The following NT5E variants were observed in gnomAD, a reference collection of about 807,000 sequenced individuals.
NT5E encodes the protein 5'-nucleotidase.
NT5E carries 53 observed loss-of-function variants against 55.1 expected under a neutral mutation model. That is an observed-to-expected ratio of 0.96 (90% CI 0.77 to 1.21). NT5E has a LOEUF of 1.21. Among genes scored for constraint, NT5E ranks in the 50% most tolerant of loss-of-function variants. The probability of loss-of-function intolerance (pLI) is 0.00; values close to 1 mark genes in which losing one functional copy is unlikely to be tolerated. For synonymous variants in NT5E, 270 were observed against 278.4 expected, an observed-to-expected ratio of 0.97 and a Z score of 0.30; for missense variants, 683 against 724.3, an observed-to-expected ratio of 0.94 and a Z score of 0.65.
At chr6:85,465,747 G>A (rs562866929) in intron 1 of NT5E, among the ~76,000 whole-genome samples, 60 of 152,348 alleles carry the variant, frequency 3.9e-4, no homozygotes, top group Admixed American at 1.2e-3. Context: ...CACTGAGCAG[G>A]AGAGGTGGCA....
intron 3 of NT5E, among the ~76,000 whole-genome samples, chr6:85,472,318 A>C (rs566986857): frequency 1.6e-4 from 25 of 152,348 alleles, no homozygotes; most frequent in Non-Finnish European, 3.4e-4. Flanking sequence ...AGCGAAACTC[A>C]AAATACCCCA....
chr6:85,450,146 C>A lies in NT5E; in HGVS notation c.7C>A (p.Pro3Thr). 6.3e-7 allele frequency: 1 copy of A among 1,576,158 alleles called. No individual in the cohort carries two copies. Residue 3 changes from proline to threonine, a missense_variant, in exon 1 of 9, where the codon CCC becomes ACC. Pro to Thr is a conservative substitution (Grantham distance 38). Coordinates refer to ENST00000257770, the MANE Select transcript of NT5E (RefSeq NM_002526.4). This position sits in a 1 kb window ranked among gnomAD's most constrained non-coding sequence, Gnocchi z 4.0. ...CAGTTCACGCGCCACAGCTATGTGT[C>A]CCCGAGCCGCGCGGGCGCCCGCGAC... MC[P>T]RAARAPATLL...
At position 85,467,163 on chromosome 6, in the gene NT5E, G is replaced by A; in HGVS notation, c.443G>A (p.Gly148Glu). The A allele has an allele frequency of 6.2e-7, 1 of 1,614,050 alleles. No homozygotes were observed. The highest frequency in any genetic ancestry group is 8.5e-7 in the Non-Finnish European group (1 of 1,180,008). Residue 148 changes from glycine (G) to glutamate (E), a missense_variant, in exon 2 of 9, where the codon GGG becomes GAG. By Grantham distance (98) the Gly-to-Glu change is moderately conservative. Coordinates refer to ENST00000257770, the MANE Select transcript of NT5E (RefSeq NM_002526.4). ...PILSANIKAK[G>E]PLASQISGLY... ...CTGAGTGCAAACATTAAAGCAAAGG[G>A]GCCACTAGCATCTCAAATATCAGGA...
chr6:85,490,623 C>T lies in NT5E; in HGVS notation c.1326C>T (p.Tyr442=), dbSNP rs368679446. 270 of 1,614,056 alleles carry T rather than the reference C, an allele frequency of 1.7e-4. No individual in the cohort carries two copies. Among genetic ancestry groups the T allele is most frequent in the East Asian group, 5.8e-4 (26 of 44,888 alleles). Residue 442 remains tyrosine (Y), a synonymous_variant, in exon 7 of 9, where the codon TAC becomes TAT. Coordinates refer to ENST00000257770, the MANE Select transcript of NT5E (RefSeq NM_002526.4). ...CCTTTGAGCATAGCGTGCACCGCTACGGCCAGTCCACTGGAGAGTTCCTGC... is the reference window on the plus strand; with the variant it reads ...CCTTTGAGCATAGCGTGCACCGCTATGGCCAGTCCACTGGAGAGTTCCTGC... ...KKAFEHSVHR[Y]GQSTGEFLQV...
At chr6:85,460,966 A>T (rs1326083986) in intron 1 of NT5E, among the ~76,000 whole-genome samples, 1 of 152,194 alleles carries the variant, frequency 6.6e-6, no homozygotes, top group East Asian at 1.9e-4. Context: ...CTATTCTGGA[A>T]CATTTTATTT....
intron 3 of NT5E, among the ~76,000 whole-genome samples, chr6:85,479,330 A>T (rs1769495636): frequency 6.6e-6 from 1 of 152,184 alleles, no homozygotes; most frequent in Admixed American, 6.5e-5. Flanking sequence ...TGTCCTCAGT[A>T]TATGTTTCCC....
In NT5E at chr6:85,487,376, T is replaced by C; in HGVS notation, c.991T>C (p.Leu331=). 6.2e-7 allele frequency: 1 copy of C among 1,613,686 alleles called. No homozygotes were observed. Among genetic ancestry groups the C allele is most frequent in the Admixed American group, 1.7e-5 (1 of 60,014 alleles). Reference sequence around the variant, plus strand: ...AGACATTAACAAATGGAGGATAAAATTGGATAATTATTCTACCCAGGAATT... The same window carrying C: ...AGACATTAACAAATGGAGGATAAAACTGGATAATTATTCTACCCAGGAATT... ...KADINKWRIK[L]DNYSTQELGK... The change falls in exon 5 of 9, where the codon TTG becomes CTG. Residue 331 remains leucine, a synonymous_variant. Transcript: ENST00000257770.
Position 85,490,593 on chromosome 6 carries a change from G to A in NT5E, c.1296G>A (p.Lys432=), listed in dbSNP as rs1417009869. The A allele has an allele frequency of 1.2e-6, 2 of 1,614,200 alleles. No individual in the cohort carries two copies. The highest frequency in any genetic ancestry group is 2.2e-5 in the South Asian group (2 of 91,088). Residue 432 remains lysine, a synonymous_variant, in exon 7 of 9, where the codon AAG becomes AAA. Transcript: ENST00000257770. ...DLVQLKGSTL[K]KAFEHSVHRY... ...TCCAGTTAAAAGGTTCCACCCTGAAGAAGGCCTTTGAGCATAGCGTGCACC... is the reference window on the plus strand; with the variant it reads ...TCCAGTTAAAAGGTTCCACCCTGAAAAAGGCCTTTGAGCATAGCGTGCACC...
chr6:85,480,748 G>A (rs557901282), intron 3 of NT5E, among the ~76,000 whole-genome samples: 20 of 152,184 alleles, frequency 1.3e-4, no homozygotes, highest in Non-Finnish European at 2.1e-4. Flanking sequence ...GATTTCTTGT[G>A]TGTTAAAGAT....
intron 1 of NT5E, among the ~76,000 whole-genome samples, chr6:85,454,146 A>G (rs1007422446): frequency 6.6e-5 from 10 of 152,096 alleles, no homozygotes; most frequent in African/African-American, 1.9e-4. Context: ...GGCGTCTAAC[A>G]CCCTGCCTCC....
intron 3 of NT5E, among the ~76,000 whole-genome samples, chr6:85,480,454 T>C (rs1562142652): frequency 6.6e-6 from 1 of 152,216 alleles, no homozygotes; most frequent in Non-Finnish European, 1.5e-5. Context: ...AGACAGTGGT[T>C]GCTCCTCTGG....
Position 85,471,383 on chromosome 6 carries a change from G to A in NT5E, c.709G>A (p.Asp237Asn). 1 of 1,612,930 alleles carries A rather than the reference G, an allele frequency of 6.2e-7. No homozygotes were observed. The change falls in exon 3 of 9, where the codon GAC becomes AAC. Residue 237 changes from aspartate (D) to asparagine (N), a missense_variant. Physicochemically the swap from Asp to Asn is conservative, Grantham distance 23. Transcript: ENST00000257770. ...KLIAQKVRGV[D>N]VVVGGHSNTF... is the part of the protein sequence containing the mutation. Reference sequence around the variant, plus strand: ...CATCGCTCAGAAAGTGAGGGGTGTGGACGTCGTGGTGGGAGGACACTCCAA... The same window carrying A: ...CATCGCTCAGAAAGTGAGGGGTGTGAACGTCGTGGTGGGAGGACACTCCAA...
intron 3 of NT5E, among the ~76,000 whole-genome samples, chr6:85,483,617 A>G (rs1394701069): frequency 6.6e-6 from 1 of 152,120 alleles, no homozygotes; most frequent in East Asian, 1.9e-4. Context: ...GGATGTTACT[A>G]TTGGCAACAA....
In NT5E at chr6:85,489,550, C is replaced by A. The variant is rs2127725374; in HGVS notation, c.1161C>A (p.Cys387Ter). ...TGTTCTGGAACCACGTATCCATGTG[C>A]ATTTTAAATGGAGGTGGTATCCGGT... is the stretch of plus-strand genomic sequence containing the variant. ...DEMFWNHVSM[C>*]ILNGGGIRSP... Residue 387 changes from cysteine to a stop codon, truncating the protein, a stop_gained, in exon 6 of 9, where the codon TGC (cysteine) becomes TGA (stop). Coordinates refer to ENST00000257770, the MANE Select transcript of NT5E (RefSeq NM_002526.4). LOFTEE classifies it high-confidence loss of function. 1.9e-6 allele frequency: 3 copies of A among 1,613,992 alleles called. No individual in the cohort carries two copies. Among genetic ancestry groups the A allele is most frequent in the East Asian group, 2.2e-5 (1 of 44,850 alleles).
At chr6:85,487,605 A>AT in intron 5 of NT5E, 116 bp downstream of exon 5, 1 of 1,396,400 alleles carries the variant, frequency 7.2e-7, no homozygotes, top group East Asian at 2.3e-5. Context: ...ATTTCAAAAC[A>AT]TTTTTAGCCA....
intron 2 of NT5E, among the ~76,000 whole-genome samples, chr6:85,470,234 T>C (rs1400442719): frequency 1.3e-5 from 2 of 152,220 alleles, no homozygotes; most frequent in East Asian, 3.9e-4. Flanking sequence ...CAGAGCCAGT[T>C]GGAGGAACCA....
At chr6:85,462,170 G>A (rs953437212) in intron 1 of NT5E, among the ~76,000 whole-genome samples, 1 of 151,910 alleles carries the variant, frequency 6.6e-6, no homozygotes, top group African/African-American at 2.4e-5. Flanking sequence ...CTCCCCTGAG[G>A]GAGAGGTGTC....
chr6:85,466,095 A>G (rs1233974773), intron 1 of NT5E, among the ~76,000 whole-genome samples: 2 of 152,124 alleles, frequency 1.3e-5, no homozygotes, highest in Non-Finnish European at 2.9e-5. Context: ...TGGAGGAAGG[A>G]GAGGAAGGTT....
chr6:85,487,423 G>A lies in NT5E; in HGVS notation c.1038G>A (p.Leu346=), dbSNP rs138198374. 2.2e-5 allele frequency: 35 copies of A among 1,614,106 alleles called. No homozygotes were observed. In the African/African-American group the frequency reaches 2.9e-4, roughly 14 times the overall value. ...AATTAGGGAAAACAATTGTCTATCT[G>A]GATGGCTCCTCTCAATCATGCCGCT... ...TQELGKTIVY[L]DGSSQSCRFR... is the part of the protein sequence containing the mutation. Residue 346 remains leucine, a synonymous_variant, in exon 5 of 9, where the codon CTG becomes CTA. Transcript: ENST00000257770.
Sources: allele counts gnomAD v4.1 joint callset (sites outside exome capture counted in the v4.1 genomes callset), GRCh38; gene constraint gnomAD v4.1.1; non-coding constraint Gnocchi (gnomAD v3.1); transcripts MANE v1.5; gene names NCBI Gene and HGNC (gene_info 2026-07-23, HGNC 2026-07-21).